LIPA: variants seen among roughly 807,000 people sequenced by gnomAD.
LIPA encodes lysosomal acid lipase/cholesteryl ester hydrolase.
Under a neutral mutation model 40.6 loss-of-function variants are expected in LIPA, and 26 were observed. The ratio of observed to expected loss-of-function variants is 0.64; its 90% CI spans 0.47 to 0.89. The LOEUF is 0.89. Ranked by LOEUF, LIPA falls within the 40% of genes least tolerant of loss-of-function variation. The pLI is 0.00. For synonymous variants in LIPA, 188 were observed against 168.4 expected (o/e 1.12, Z -0.90); for missense variants, 455 against 479.6 (o/e 0.95, Z 0.48).
At chr10:89,317,707 A>G (rs933314505) in intron 1 of LIPA, among the ~76,000 whole-genome samples, 9 of 152,210 alleles carry the variant, frequency 5.9e-5, no homozygotes, top group Non-Finnish European at 1.3e-4. Context: ...AATTCAGGAA[A>G]TACGGAGAAC....
At chr10:89,227,127 C>G (rs1842780059) in intron 4 of LIPA, 123 bp from the exon 5 acceptor site, 1 of 725,796 alleles carries the variant, frequency 1.4e-6, no homozygotes, top group African/African-American at 1.7e-5. Flanking sequence ...AGCAGTGAGT[C>G]CAGGAAACAA....
At chr10:89,377,143 G>T (rs1465625850) in intron 2 of LIPA, among the ~76,000 whole-genome samples, 2 of 152,156 alleles carry the variant, frequency 1.3e-5, no homozygotes, top group Non-Finnish European at 2.9e-5. Context: ...TGCTAATTGT[G>T]TGGGCAATTA....
chr10:89,359,895 C>T (rs1182018712), intron 2 of LIPA, among the ~76,000 whole-genome samples: 2 of 151,774 alleles, frequency 1.3e-5, no homozygotes, highest in Non-Finnish European at 2.9e-5. Flanking sequence ...TGCCTAAGTT[C>T]TATGTTCTGC....
chr10:89,308,524 CT>C (rs1335882391), intron 1 of LIPA: 1 of 152,136 alleles, frequency 6.6e-6, no homozygotes, highest in Non-Finnish European at 1.5e-5. Context: ...CTTCTTTTAA[CT>C]CCGAAAATCT....
intron 2 of LIPA, chr10:89,412,620 A>T (rs1381868614): frequency 4.6e-6 from 1 of 217,842 alleles, no homozygotes; most frequent in Non-Finnish European, 9.7e-6. Flanking sequence ...CACTGCCTTT[A>T]TGAGCTGTAA....
chr10:89,317,566 G>T (rs1163426887), intron 1 of LIPA, among the ~76,000 whole-genome samples: 1 of 152,232 alleles, frequency 6.6e-6, no homozygotes, highest in Non-Finnish European at 1.5e-5. Context: ...ATGGGACTAT[G>T]TGAAAAGACC....
intron 2 of LIPA, chr10:89,363,043 T>C (rs1213128966): frequency 2.1e-5 from 5 of 235,562 alleles, no homozygotes; most frequent in Non-Finnish European, 4.5e-5. Flanking sequence ...CTAATCAGTA[T>C]GTCTTCACAG....
rs561370044 is a variant in LIPA, at chr10:89,233,849, G to A, written c.230-5451C>T. ...CCACTGGACTCTAGCCTGGGTGACA[G>A]AGAGGGATTCCATTTACCCCCACCC... is the stretch of plus-strand genomic sequence containing the variant. On this transcript the variant is annotated intron_variant, in intron 3 of 9. Coordinates refer to ENST00000336233, the MANE Select transcript of LIPA (RefSeq NM_000235.4). 5.9e-5 allele frequency among the ~76,000 whole-genome samples: 9 copies of A among 152,300 alleles called. No individual in the cohort carries two copies. The South Asian group carries it at 6.2e-4, about 11-fold the overall frequency.
At chr10:89,276,166 G>A (rs1203687916) in intron 1 of LIPA, among the ~76,000 whole-genome samples, 1 of 152,192 alleles carries the variant, frequency 6.6e-6, no homozygotes, top group African/African-American at 2.4e-5. Flanking sequence ...TCTTGCAAAT[G>A]TGTGGTCAGC....
chr10:89,226,790 T>C (rs1842774990), intron 5 of LIPA, 105 bp downstream of exon 5: 4 of 717,948 alleles, frequency 5.6e-6, no homozygotes, highest in African/African-American at 3.6e-5. Flanking sequence ...CATTTAAAAA[T>C]AAATGGAATT....
intron 1 of LIPA, among the ~76,000 whole-genome samples, chr10:89,286,678 G>A (rs1014383773): frequency 7.9e-5 from 12 of 151,958 alleles, no homozygotes; most frequent in South Asian, 2.1e-4. Flanking sequence ...TCAAAAGGCC[G>A]TCTTATTCTC....
intron 1 of LIPA, chr10:89,332,404 G>C: frequency 1.8e-6 from 2 of 1,112,288 alleles, no homozygotes; most frequent in East Asian, 5.5e-5. Context: ...CATGTTCCTG[G>C]CGTGAGTGAG....
chr10:89,255,524 G>A (rs1843176520), upstream of LIPA, among the ~76,000 whole-genome samples: 2 of 152,198 alleles, frequency 1.3e-5, no homozygotes, highest in Admixed American at 1.3e-4. Flanking sequence ...ATATCAGAAG[G>A]CTACCACAAT....
intron 2 of LIPA, chr10:89,384,571 A>G: frequency 6.2e-7 from 1 of 1,614,186 alleles, no homozygotes. Flanking sequence ...AAAACTTCTC[A>G]ATGCTTTAGA....
At chr10:89,301,009 A>G (rs1843442544) in intron 1 of LIPA, among the ~76,000 whole-genome samples, 1 of 152,204 alleles carries the variant, frequency 6.6e-6, no homozygotes, top group Non-Finnish European at 1.5e-5. Context: ...TTAGTTAATA[A>G]TTATAATAGA....
intron 2 of LIPA, among the ~76,000 whole-genome samples, chr10:89,349,887 A>G (rs1025477584): frequency 2.0e-5 from 3 of 152,228 alleles, no homozygotes; most frequent in Admixed American, 2.0e-4. Context: ...TGTCTGCCCT[A>G]CTTCTGTCTG....
intron 2 of LIPA, among the ~76,000 whole-genome samples, chr10:89,351,971 C>A (rs766448190): frequency 6.6e-6 from 1 of 152,186 alleles, no homozygotes; most frequent in Non-Finnish European, 1.5e-5. Context: ...TAATATACCC[C>A]CTCTTGGCCA....
At chr10:89,342,149 A>G (rs1339262217) in intron 1 of LIPA, among the ~76,000 whole-genome samples, 1 of 152,238 alleles carries the variant, frequency 6.6e-6, no homozygotes, top group Non-Finnish European at 1.5e-5. Flanking sequence ...TAAACATCCA[A>G]TAGGTCCAGC....
chr10:89,302,183 A>G, intron 1 of LIPA: 4 of 1,590,514 alleles, frequency 2.5e-6, no homozygotes, highest in Non-Finnish European at 3.5e-6. Context: ...TGTCCAATGC[A>G]AATCCTGAGA....
Sources: gnomAD v4.1 joint callset for allele counts (sites outside exome capture counted in the v4.1 genomes callset) on GRCh38, gnomAD v4.1.1 for gene constraint, MANE v1.5 for transcripts, NCBI Gene and HGNC (gene_info 2026-07-23, HGNC 2026-07-21) for gene names.